The following DPF3 variants were observed in gnomAD, a reference collection of about 807,000 sequenced individuals.
The protein encoded by DPF3 is double PHD fingers 3, also known as zinc finger protein DPF3.
DPF3 carries 18 observed loss-of-function variants against 56.8 expected under a neutral mutation model. That is an observed-to-expected ratio of 0.32 (90% CI 0.22 to 0.47). The LOEUF (loss-of-function observed/expected upper bound fraction) is 0.47, where lower values mean the gene tolerates loss of function less well. DPF3 is among the 20% of genes least tolerant of loss of function. DPF3 has a pLI of 1.00. For missense variants in DPF3, 403 were observed against 488.8 expected, an observed-to-expected ratio of 0.82 and a Z score of 1.65; for synonymous variants, 188 against 180.2, an observed-to-expected ratio of 1.04 and a Z score of -0.35.
chr14:72,883,686 G>A (rs925414682), intron 1 of DPF3, among the ~76,000 whole-genome samples: 32 of 152,236 alleles, frequency 2.1e-4, no homozygotes, highest in African/African-American at 7.2e-4. Flanking sequence ...CCAGCACGTG[G>A]GGAGGCCCAG....
chr14:72,771,128 C>T (rs1407714400), intron 2 of DPF3, among the ~76,000 whole-genome samples: 1 of 151,368 alleles, frequency 6.6e-6, no homozygotes, highest in Non-Finnish European at 1.5e-5. Context: ...GATCGCACCA[C>T]TGCACTCCAG....
In DPF3 at chr14:72,609,266, G is replaced by T. The variant is rs760017951; in HGVS notation, c.*10031C>A. Among the ~76,000 whole-genome samples, 2 of 152,146 alleles carry T rather than the reference G, an allele frequency of 1.3e-5. No homozygotes were observed. Among genetic ancestry groups the T allele is most frequent in the Non-Finnish European group, 2.9e-5 (2 of 68,044 alleles). Reference sequence around the variant, plus strand: ...CACATTCTTCATCTCATCAGCGACAGGTCTCCCTCCCAGAACCCCATCAGG... The same window carrying T: ...CACATTCTTCATCTCATCAGCGACATGTCTCCCTCCCAGAACCCCATCAGG... On this transcript the variant is annotated 3_prime_UTR_variant, in exon 11 of 11. Coordinates refer to ENST00000556509, the MANE Select transcript of DPF3 (RefSeq NM_001280542.3).
chr14:72,756,990 GGGGAGAGA>G (rs1447893078), intron 2 of DPF3, among the ~76,000 whole-genome samples: 1 of 142,030 alleles, frequency 7.0e-6, no homozygotes, highest in Non-Finnish European at 1.5e-5. Context: ...AGGGGGAGAA[GGGGAGAGA>G]GGGAGAGAGG....
intron 7 of DPF3, among the ~76,000 whole-genome samples, chr14:72,686,805 G>C (rs1026017798): frequency 6.6e-6 from 1 of 152,142 alleles, no homozygotes; most frequent in East Asian, 1.9e-4. Context: ...CTGGATTTCT[G>C]GTGTCAAGTT....
rs1189561747 is a variant in DPF3, at chr14:72,615,628, C to G, written c.*3669G>C. ...CCCTTCCACCCACCCACAGGCTCTTCCCTGGTTCCAGTCGGCTGGGCTCAG... is the reference window on the plus strand; with the variant it reads ...CCCTTCCACCCACCCACAGGCTCTTGCCTGGTTCCAGTCGGCTGGGCTCAG... On this transcript the variant is annotated 3_prime_UTR_variant, in exon 11 of 11. Coordinates refer to ENST00000556509, the MANE Select transcript of DPF3 (RefSeq NM_001280542.3). 2.6e-5 allele frequency among the ~76,000 whole-genome samples: 4 copies of G among 152,212 alleles called. No individual in the cohort carries two copies. In the East Asian group the frequency reaches 7.7e-4, roughly 29 times the overall value.
At chr14:72,739,256 T>C (rs1351589442) in intron 3 of DPF3, among the ~76,000 whole-genome samples, 2 of 143,232 alleles carry the variant, frequency 1.4e-5, no homozygotes, top group African/African-American at 5.0e-5. Context: ...AAAAAAAAAA[T>C]GCATAGTGCA....
Position 72,873,841 on chromosome 14 carries a change from C to T in DPF3, c.32+20216G>A, listed in dbSNP as rs188797076. Among the ~76,000 whole-genome samples the T allele has an allele frequency of 2.6e-5, 4 of 151,546 alleles. No individual in the cohort carries two copies. The East Asian group carries it at 7.8e-4, about 30-fold the overall frequency. On this transcript the variant is annotated intron_variant, in intron 1 of 10. Coordinates refer to ENST00000556509, the MANE Select transcript of DPF3 (RefSeq NM_001280542.3). ...CACAAGGACAAAAAACCAAACACCA[C>T]ATGTTCTCACTCATAGGTGGGAACT...
chr14:72,647,854 T>C (rs1044863047), intron 8 of DPF3, among the ~76,000 whole-genome samples: 11 of 152,302 alleles, frequency 7.2e-5, no homozygotes, highest in Middle Eastern at 3.4e-3. Context: ...CCTAATTTAT[T>C]GAGGGCAGTG....
intron 1 of DPF3, among the ~76,000 whole-genome samples, chr14:72,878,408 G>T (rs2140120866): frequency 6.6e-6 from 1 of 152,190 alleles, no homozygotes; most frequent in South Asian, 2.1e-4. Context: ...CTCTCTCTAG[G>T]CATTGATACT....
At chr14:72,729,747 C>T (rs1251900878) in intron 4 of DPF3, among the ~76,000 whole-genome samples, 1 of 152,096 alleles carries the variant, frequency 6.6e-6, no homozygotes, top group Non-Finnish European at 1.5e-5. Flanking sequence ...GGGGAAACGG[C>T]CAGTGGTTGC....
chr14:72,853,716 T>C (rs770827202), intron 1 of DPF3, among the ~76,000 whole-genome samples: 2 of 152,012 alleles, frequency 1.3e-5, no homozygotes, highest in African/African-American at 4.8e-5. Flanking sequence ...CTGCCTGCCT[T>C]AGGCTCCCAA....
intron 8 of DPF3, chr14:72,662,713 G>A (rs1244591021): frequency 1.0e-6 from 1 of 990,926 alleles, no homozygotes; most frequent in Non-Finnish European, 1.2e-6. Context: ...GGAGGGGGCT[G>A]GGCAAGGGAA....
At position 72,720,115 on chromosome 14, in the gene DPF3, C is replaced by T. The variant is rs143832988; in HGVS notation, c.525+3518G>A. ...GAGACCACACACAGAGGTGTCAAGACTTAGACTGCCTCTAGGTTCTGACAA... is the reference window on the plus strand; with the variant it reads ...GAGACCACACACAGAGGTGTCAAGATTTAGACTGCCTCTAGGTTCTGACAA... On this transcript the variant is annotated intron_variant, in intron 5 of 10. Coordinates refer to ENST00000556509, the MANE Select transcript of DPF3 (RefSeq NM_001280542.3). Among the ~76,000 whole-genome samples, 405 of 152,162 alleles carry T rather than the reference C, an allele frequency of 2.7e-3. 8 individuals are homozygous for T. Among genetic ancestry groups the T allele is most frequent in the Middle Eastern group, 0.017 (5 of 294 alleles).
chr14:72,627,121 AC>A (rs371818197), intron 9 of DPF3, among the ~76,000 whole-genome samples: 2 of 152,022 alleles, frequency 1.3e-5, no homozygotes, highest in East Asian at 3.9e-4. Context: ...TTGTCTTTTG[AC>A]TTTATCATGT....
In DPF3 at chr14:72,779,011, T is replaced by G. The variant is rs1433947997; in HGVS notation, c.33-7118A>C. 3.9e-5 allele frequency among the ~76,000 whole-genome samples: 6 copies of G among 152,312 alleles called. No homozygotes were observed. The South Asian group carries it at 1.2e-3, about 32-fold the overall frequency. On this transcript the variant is annotated intron_variant, in intron 1 of 10. Coordinates refer to ENST00000556509, the MANE Select transcript of DPF3 (RefSeq NM_001280542.3). ...CAGCGTCAATATGAAGGCCACCCCC[T>G]GGAGTGGTGGAGCCCAGCACTCCTG... is the stretch of plus-strand genomic sequence containing the variant.
chr14:72,792,435 G>C (rs1892476193), intron 1 of DPF3, among the ~76,000 whole-genome samples: 1 of 152,132 alleles, frequency 6.6e-6, no homozygotes. Flanking sequence ...AAAAAAGAAA[G>C]AAAAGAAAAG....
chr14:72,854,374 AAG>A (rs985596810), intron 1 of DPF3, among the ~76,000 whole-genome samples: 11 of 152,336 alleles, frequency 7.2e-5, no homozygotes, highest in African/African-American at 2.6e-4. Flanking sequence ...GTCAAAAAAA[AAG>A]AAAAAACAAA....
intron 1 of DPF3, among the ~76,000 whole-genome samples, chr14:72,804,257 C>G (rs954954212): frequency 2.0e-5 from 3 of 151,812 alleles, no homozygotes; most frequent in African/African-American, 7.3e-5. Flanking sequence ...CAGATCCACA[C>G]TGCGTGCCTC....
chr14:72,892,033 A>T, intron 1 of DPF3: 2 of 1,066,336 alleles, frequency 1.9e-6, no homozygotes, highest in Admixed American at 3.3e-5. Context: ...CCCTACTGTG[A>T]TCCAAAAAAC....
Sources: allele counts gnomAD v4.1 joint callset (sites outside exome capture counted in the v4.1 genomes callset), GRCh38; gene constraint gnomAD v4.1.1; transcripts MANE v1.5; gene names NCBI Gene and HGNC (gene_info 2026-07-23, HGNC 2026-07-21).